Variants in CNBD1 observed in about 807,000 individuals in gnomAD.
CNBD1 encodes cyclic nucleotide binding domain containing 1.
A neutral mutation model predicts 54.4 loss-of-function variants in CNBD1; 71 were observed. The observed-to-expected ratio is 1.30, with a 90% CI of 1.08 to 1.59. The LOEUF (loss-of-function observed/expected upper bound fraction) is 1.59. Among genes scored for constraint, CNBD1 ranks in the 40% most tolerant of loss-of-function variants. CNBD1 has a pLI of 0.00. For synonymous variants in CNBD1, 182 were observed against 170.7 expected (o/e 1.07, Z -0.51); for missense variants, 659 against 518.0 (o/e 1.27, Z -2.64).
In CNBD1 at chr8:87,241,268, A is replaced by ATTTTTTTTTTTTT. The variant is rs34829455; in HGVS notation, c.771+4167_771+4179dup. Among the ~76,000 whole-genome samples the ATTTTTTTTTTTTT allele has an allele frequency of 1.0e-3, 94 of 93,850 alleles. 12 individuals carry two copies. Among genetic ancestry groups the ATTTTTTTTTTTTT allele is most frequent in the African/African-American group, 4.0e-3 (83 of 20,504 alleles). 61.6% of individuals were successfully genotyped at this position (93,850 alleles called of 152,430 possible). A position where few individuals can be genotyped will look rare whatever the true frequency, so the allele number is the denominator to read the frequency against. ...GGGCACAAAAATCTGTATTTGGAAG[A>ATTTTTTTTTTTTT]TTTTTTTTTTTTTTTTTTTTTTTGA... is the stretch of plus-strand genomic sequence containing the variant. On this transcript the variant is annotated intron_variant, in intron 6 of 10. Transcript: ENST00000518476.
At chr8:87,177,663 C>G (rs1302331058) in intron 4 of CNBD1, among the ~76,000 whole-genome samples, 1 of 152,080 alleles carries the variant, frequency 6.6e-6, no homozygotes, top group African/African-American at 2.4e-5. Context: ...ACAAAGCACT[C>G]AAGATAAATT....
chr8:87,357,874 G>T (rs1228599357), intron 10 of CNBD1, among the ~76,000 whole-genome samples: 1 of 152,104 alleles, frequency 6.6e-6, no homozygotes, highest in African/African-American at 2.4e-5. Flanking sequence ...ACTGGTGAGG[G>T]GTGTTTGTGT....
At chr8:87,037,827 A>G (rs1214687295) in intron 4 of CNBD1, among the ~76,000 whole-genome samples, 1 of 152,226 alleles carries the variant, frequency 6.6e-6, no homozygotes, top group East Asian at 1.9e-4. Flanking sequence ...TTTCCAAACT[A>G]TATGATGTCT....
intron 5 of CNBD1, among the ~76,000 whole-genome samples, chr8:87,226,627 CT>C (rs1156621936): frequency 1.3e-5 from 2 of 151,336 alleles, no homozygotes. Context: ...AATTTCTGTT[CT>C]TTTGCATTTT....
chr8:87,068,071 G>A (rs973745055), intron 4 of CNBD1, among the ~76,000 whole-genome samples: 7 of 152,024 alleles, frequency 4.6e-5, no homozygotes, highest in Non-Finnish European at 7.4e-5. Flanking sequence ...GTGTGGGCAA[G>A]TAATCATCTG....
intron 4 of CNBD1, among the ~76,000 whole-genome samples, chr8:87,054,842 A>G (rs1190953813): frequency 6.6e-6 from 1 of 152,196 alleles, no homozygotes; most frequent in South Asian, 2.1e-4. Flanking sequence ...AACATTCCCA[A>G]CAACCAAGGG....
intron 10 of CNBD1, among the ~76,000 whole-genome samples, chr8:87,379,364 C>G (rs1185973904): frequency 6.6e-6 from 1 of 151,880 alleles, no homozygotes; most frequent in East Asian, 1.9e-4. Flanking sequence ...TTGAACTCAG[C>G]TCTGCACCAA....
intron 10 of CNBD1, among the ~76,000 whole-genome samples, chr8:87,382,361 G>C (rs114496689): frequency 1.3e-5 from 2 of 151,854 alleles, no homozygotes; most frequent in Non-Finnish European, 2.9e-5. Flanking sequence ...ACATAATTTG[G>C]TTAGAAGAGA....
intron 4 of CNBD1, among the ~76,000 whole-genome samples, chr8:87,179,249 A>T (rs1472656733): frequency 2.0e-5 from 3 of 152,196 alleles, no homozygotes; most frequent in Non-Finnish European, 4.4e-5. Flanking sequence ...CTTCGAAGAA[A>T]CATTTTTATC....
chr8:87,317,833 G>T (rs1809424737), intron 8 of CNBD1, among the ~76,000 whole-genome samples: 1 of 151,530 alleles, frequency 6.6e-6, no homozygotes, highest in Non-Finnish European at 1.5e-5. Flanking sequence ...ATAAGATTAG[G>T]CTCACTGAAT....
intron 2 of CNBD1, among the ~76,000 whole-genome samples, chr8:87,418,740 C>A (rs1367357680): frequency 2.0e-5 from 3 of 151,712 alleles, no homozygotes; most frequent in Non-Finnish European, 4.4e-5. Context: ...AAAAACAAGT[C>A]ATAAAACATT....
At chr8:87,307,673 G>A (rs1249507590) in intron 8 of CNBD1, among the ~76,000 whole-genome samples, 1 of 151,530 alleles carries the variant, frequency 6.6e-6, no homozygotes, top group Non-Finnish European at 1.5e-5. Context: ...GGGAGGTGGA[G>A]GTTGCAGTGA....
At position 87,308,144 on chromosome 8, in the gene CNBD1, C is replaced by T. The variant is rs1215321085; in HGVS notation, c.1042+21473C>T. 2.0e-5 allele frequency among the ~76,000 whole-genome samples: 3 copies of T among 152,082 alleles called. No homozygotes were observed. In the East Asian group the frequency reaches 5.8e-4, roughly 29 times the overall value. ...TTGTTCTAGGAAAAATCTGTTATGA[C>T]TTACTGGCTGGAGTTGGGTTACATG... On this transcript the variant is annotated intron_variant, in intron 8 of 10. Coordinates refer to ENST00000518476, the MANE Select transcript of CNBD1 (RefSeq NM_173538.3).
chr8:87,328,836 CATAA>C (rs1310523858), intron 8 of CNBD1, among the ~76,000 whole-genome samples: 1 of 151,948 alleles, frequency 6.6e-6, no homozygotes, highest in Non-Finnish European at 1.5e-5. Context: ...TAACTGTATT[CATAA>C]ATATTTTATT....
At chr8:87,379,794 A>T (rs1811037200) in intron 10 of CNBD1, among the ~76,000 whole-genome samples, 1 of 151,984 alleles carries the variant, frequency 6.6e-6, no homozygotes, top group African/African-American at 2.4e-5. Context: ...ATAATTTTCT[A>T]AAAAATGAAA....
intron 4 of CNBD1, among the ~76,000 whole-genome samples, chr8:86,966,701 T>C (rs1586168617): frequency 6.6e-6 from 1 of 152,162 alleles, no homozygotes; most frequent in South Asian, 2.1e-4. Context: ...AGGTTTGTGG[T>C]CTTGCTAGCT....
intron 4 of CNBD1, among the ~76,000 whole-genome samples, chr8:87,029,870 G>T (rs1291226713): frequency 6.6e-6 from 1 of 151,978 alleles, no homozygotes; most frequent in Non-Finnish European, 1.5e-5. Flanking sequence ...TATTTTGAGG[G>T]TACATTTCCT....
rs149545943 is a variant in CNBD1 at position 87,256,861 on chromosome 8, A to G, written c.771+19749A>G. On this transcript the variant is annotated intron_variant, in intron 6 of 10. Transcript: ENST00000518476. ...TATGAATCCAAGGTTCAAGGTTCTG[A>G]AGTTTTGCTGTAGTGTGAATGGCAA... Among the ~76,000 whole-genome samples the G allele has an allele frequency of 3.4e-4, 51 of 151,794 alleles. No homozygotes were observed. In the East Asian group the frequency reaches 3.9e-3, roughly 12 times the overall value.
At chr8:87,247,790 T>C (rs192317277) in intron 6 of CNBD1, among the ~76,000 whole-genome samples, 3 of 152,342 alleles carry the variant, frequency 2.0e-5, no homozygotes, top group East Asian at 3.9e-4. Context: ...GGGCATTTAA[T>C]GCGGTTGATA....
Sources: gnomAD v4.1 joint callset for allele counts (sites outside exome capture counted in the v4.1 genomes callset) on GRCh38, gnomAD v4.1.1 for gene constraint, MANE v1.5 for transcripts, NCBI Gene and HGNC (gene_info 2026-07-23, HGNC 2026-07-21) for gene names.